XKRX: variants seen among roughly 807,000 people sequenced by gnomAD.
XKRX encodes XK-related protein 2.
A neutral mutation model predicts 22.4 loss-of-function variants in XKRX; 11 were observed. That is an observed-to-expected ratio of 0.49 (90% CI 0.31 to 0.81). XKRX has a LOEUF of 0.81. Among genes scored for constraint, XKRX ranks in the 40% least tolerant of loss-of-function variants. The pLI is 0.05. For synonymous variants in XKRX, 114 were observed against 132.2 expected (o/e 0.86, Z 0.94); for missense variants, 320 against 336.5 (o/e 0.95, Z 0.38).
chrX:100,889,983 G>A, the XKRX span, among the ~76,000 whole-genome samples: 1 of 111,775 alleles, frequency 8.9e-6, no homozygotes, highest in Admixed American at 9.5e-5. Context: ...CAGCTTGGGC[G>A]ACAGAGTGAG....
chrX:100,955,228 TAC>T, the XKRX span, among the ~76,000 whole-genome samples: 1 of 112,262 alleles, frequency 8.9e-6, no homozygotes, highest in Admixed American at 9.5e-5. Context: ...GAAATCTGAA[TAC>T]AGTTTATACA....
At chrX:100,898,403 C>G in the XKRX span, among the ~76,000 whole-genome samples, 1 of 107,564 alleles carries the variant, frequency 9.3e-6, no homozygotes, top group Non-Finnish European at 1.9e-5. Context: ...TTTTTTTCAA[C>G]TGACTTGAAA....
chrX:100,890,864 AT>A, the XKRX span, among the ~76,000 whole-genome samples: 4 of 111,371 alleles, frequency 3.6e-5, no homozygotes, highest in Non-Finnish European at 5.6e-5. Context: ...CATTGCACAT[AT>A]TTTTAACAGA....
the XKRX span, among the ~76,000 whole-genome samples, chrX:100,896,820 AC>A: frequency 9.0e-6 from 1 of 111,278 alleles, no homozygotes; most frequent in Non-Finnish European, 1.9e-5. Context: ...ACAGAGTGAC[AC>A]CCTATGTAAA....
the XKRX span, chrX:100,957,325 T>C: frequency 3.6e-6 from 4 of 1,096,814 alleles, no homozygotes; most frequent in African/African-American, 5.5e-5. Flanking sequence ...GGTGACCTCA[T>C]TGTGATTTGG....
chrX:100,912,844 T>C (rs187501605), downstream of XKRX, among the ~76,000 whole-genome samples: 1 of 111,861 alleles, frequency 8.9e-6, no homozygotes, highest in East Asian at 2.8e-4. Context: ...GAGACATGCA[T>C]TCGTCCACTG....
the XKRX span, among the ~76,000 whole-genome samples, chrX:100,938,490 G>T: frequency 9.0e-6 from 1 of 110,995 alleles, no homozygotes; most frequent in Admixed American, 9.6e-5. Flanking sequence ...TTAGCCGGGC[G>T]TGGTGGCATG....
the XKRX span, among the ~76,000 whole-genome samples, chrX:100,907,190 TAAA>T: frequency 9.0e-6 from 1 of 110,981 alleles, no homozygotes; most frequent in Non-Finnish European, 1.9e-5. Flanking sequence ...TTTTGTCACT[TAAA>T]AAATTTTTTT....
At chrX:100,899,119 C>T in the XKRX span, among the ~76,000 whole-genome samples, 1 of 112,352 alleles carries the variant, frequency 8.9e-6, no homozygotes, top group Admixed American at 9.4e-5. Context: ...GAAAGCATGG[C>T]CCATATGTAT....
chrX:100,934,968 T>TGAGAGAGACA, the XKRX span, among the ~76,000 whole-genome samples: 26 of 109,062 alleles, frequency 2.4e-4, no homozygotes, highest in Admixed American at 1.8e-3. Context: ...AGAGTGTGTG[T>TGAGAGAGACA]GAGAGAGACA....
the XKRX span, among the ~76,000 whole-genome samples, chrX:100,953,305 C>CA: frequency 9.2e-6 from 1 of 108,988 alleles, no homozygotes; most frequent in Non-Finnish European, 1.9e-5. Flanking sequence ...AAAAACAAAA[C>CA]AAACAAACAA....
At chrX:100,913,080 C>T (rs1020251171), downstream of XKRX, among the ~76,000 whole-genome samples, 18 of 109,315 alleles carry the variant, frequency 1.6e-4, no homozygotes, top group Admixed American at 7.9e-4. Flanking sequence ...CGCCTGTAAT[C>T]CCAGCTACTC....
Position 100,928,563 on chromosome X carries a change from A to G in XKRX, c.-259T>C. 1.0e-6 allele frequency: 1 copy of G among 969,568 alleles called. No homozygotes were observed. Among genetic ancestry groups the G allele is most frequent in the African/African-American group, 2.0e-5 (1 of 50,890 alleles). 79.9% of individuals were successfully genotyped at this position (969,568 alleles called of 1,213,427 possible). ...ATTGGCCCCGATTCCAATCGTCAAC[A>G]TACTTGCTGTGAAACTTGAACAAGA... is the stretch of plus-strand genomic sequence containing the variant. On this transcript the variant is annotated 5_prime_UTR_variant, in exon 1 of 3. An upstream start codon of the reference 5' UTR is lost. Transcript: ENST00000372956.
chrX:100,887,244 C>T, the XKRX span, among the ~76,000 whole-genome samples: 1 of 110,754 alleles, frequency 9.0e-6, no homozygotes, highest in Non-Finnish European at 1.9e-5. Context: ...CTTCACACTG[C>T]TGGGGAAATT....
At chrX:100,898,545 A>G in the XKRX span, among the ~76,000 whole-genome samples, 20 of 108,731 alleles carry the variant, frequency 1.8e-4, no homozygotes, top group African/African-American at 5.7e-4. Flanking sequence ...CTAGGAAAGG[A>G]GATACCGAGG....
the XKRX span, among the ~76,000 whole-genome samples, chrX:100,905,015 CAAT>C: frequency 3.6e-5 from 4 of 112,062 alleles, no homozygotes; most frequent in Admixed American, 9.5e-5. Flanking sequence ...AAAGAACCAA[CAAT>C]GAGTATAAAA....
the XKRX span, among the ~76,000 whole-genome samples, chrX:100,899,542 C>G: frequency 0.014 from 1,597 of 112,006 alleles, 13 homozygotes; most frequent in Non-Finnish European, 0.02. Context: ...ATTGAGAAAG[C>G]CCATTCAAAT....
chrX:100,946,982 T>C, the XKRX span, among the ~76,000 whole-genome samples: 1 of 112,273 alleles, frequency 8.9e-6, no homozygotes, highest in South Asian at 3.7e-4. Flanking sequence ...GAACACTGTA[T>C]TCCTCTGACC....
the XKRX span, among the ~76,000 whole-genome samples, chrX:100,939,116 G>T: frequency 9.0e-6 from 1 of 111,111 alleles, no homozygotes; most frequent in East Asian, 2.8e-4. Flanking sequence ...TAAAACTTAA[G>T]GATATAAAGA....
Sources: gnomAD v4.1 joint callset for allele counts (sites outside exome capture counted in the v4.1 genomes callset) on GRCh38, gnomAD v4.1.1 for gene constraint, MANE v1.5 for transcripts, NCBI Gene and HGNC (gene_info 2026-07-23, HGNC 2026-07-21) for gene names.